CHCHD3: variants seen among roughly 807,000 people sequenced by gnomAD.
CHCHD3 encodes the protein MICOS complex subunit MIC19.
A neutral mutation model predicts 38.2 loss-of-function variants in CHCHD3; 20 were observed. The observed-to-expected ratio is 0.52, with a 90% CI of 0.37 to 0.76. The LOEUF is 0.76. Ranked by LOEUF, CHCHD3 falls within the 30% of genes least tolerant of loss-of-function variation. CHCHD3 has a pLI of 0.00. For missense variants in CHCHD3, 245 were observed against 279.2 expected, an observed-to-expected ratio of 0.88 and a Z score of 0.87; for synonymous variants, 82 against 100.0, an observed-to-expected ratio of 0.82 and a Z score of 1.07.
chr7:132,918,508 A>G lies in CHCHD3; in HGVS notation c.370-32763T>C, dbSNP rs542533503. On this transcript the variant is annotated intron_variant, in intron 4 of 7. Coordinates refer to ENST00000262570, the MANE Select transcript of CHCHD3 (RefSeq NM_017812.4). ...TACTTCACAATAAAGTTGCAATAAC[A>G]TATCTAAGTAACAAATTATTTCCCA... 3.3e-4 allele frequency among the ~76,000 whole-genome samples: 50 copies of G among 152,376 alleles called. No homozygotes were observed. In the East Asian group the frequency reaches 8.9e-3, roughly 27 times the overall value.
At chr7:132,987,450 G>T (rs1387990128) in intron 3 of CHCHD3, among the ~76,000 whole-genome samples, 1 of 152,356 alleles carries the variant, frequency 6.6e-6, no homozygotes, top group East Asian at 1.9e-4. Context: ...AAAGGTGGGA[G>T]ATGAAGGGCT....
At chr7:133,058,183 A>C (rs1814396374) in intron 2 of CHCHD3, among the ~76,000 whole-genome samples, 1 of 152,066 alleles carries the variant, frequency 6.6e-6, no homozygotes, top group Non-Finnish European at 1.5e-5. Context: ...CTTATTTTTT[A>C]CTGTAAGTAT....
chr7:133,033,432 TA>T (rs1173034899), intron 2 of CHCHD3, among the ~76,000 whole-genome samples: 2 of 152,122 alleles, frequency 1.3e-5, no homozygotes, highest in African/African-American at 4.8e-5. Flanking sequence ...CTCAAATTCC[TA>T]AAGTGCCTGA....
At chr7:132,926,149 C>T (rs942801738) in intron 4 of CHCHD3, among the ~76,000 whole-genome samples, 2 of 152,166 alleles carry the variant, frequency 1.3e-5, no homozygotes, top group Admixed American at 6.5e-5. Flanking sequence ...AACACAGAGG[C>T]AAGTAGACTA....
chr7:133,048,822 G>A (rs1412349309), intron 2 of CHCHD3, among the ~76,000 whole-genome samples: 4 of 152,144 alleles, frequency 2.6e-5, no homozygotes, highest in African/African-American at 4.8e-5. Flanking sequence ...CAAGCACTTC[G>A]GGGTGTGTGA....
At chr7:132,814,572 G>C (rs1439310602) in intron 6 of CHCHD3, among the ~76,000 whole-genome samples, 1 of 152,234 alleles carries the variant, frequency 6.6e-6, no homozygotes, top group Non-Finnish European at 1.5e-5. Flanking sequence ...ATGGCTGAAT[G>C]CAAAGAAAAC....
At chr7:133,042,845 G>GT (rs1048048007) in intron 2 of CHCHD3, among the ~76,000 whole-genome samples, 10 of 151,474 alleles carry the variant, frequency 6.6e-5, no homozygotes, top group South Asian at 4.2e-4. Flanking sequence ...TCATGACAAA[G>GT]TTTTTTTTTG....
At chr7:132,983,658 G>A (rs1237859200) in intron 3 of CHCHD3, among the ~76,000 whole-genome samples, 1 of 152,026 alleles carries the variant, frequency 6.6e-6, no homozygotes, top group Non-Finnish European at 1.5e-5. Context: ...CCATAACTTT[G>A]CATCACATCA....
chr7:133,011,892 CTTAT>C (rs906992560), intron 3 of CHCHD3, among the ~76,000 whole-genome samples: 3 of 152,088 alleles, frequency 2.0e-5, no homozygotes, highest in Non-Finnish European at 2.9e-5. Flanking sequence ...CTGACATTTA[CTTAT>C]TTATTTATTT....
chr7:133,074,677 T>C (rs1814924805), intron 1 of CHCHD3, among the ~76,000 whole-genome samples: 1 of 152,086 alleles, frequency 6.6e-6, no homozygotes, highest in Non-Finnish European at 1.5e-5. Context: ...CACTTCCTCT[T>C]AAAGAGGAAA....
chr7:132,975,377 C>A (rs1811736452), intron 3 of CHCHD3, 91 bp from the exon 4 acceptor site: 2 of 1,131,286 alleles, frequency 1.8e-6, no homozygotes, highest in Admixed American at 4.2e-5. Flanking sequence ...AATAGAAACA[C>A]ATAGCCAAAA....
intron 1 of CHCHD3, among the ~76,000 whole-genome samples, chr7:133,077,376 CT>C (rs1455392507): frequency 6.6e-6 from 1 of 152,206 alleles, no homozygotes; most frequent in African/African-American, 2.4e-5. Flanking sequence ...TAAGTAATCT[CT>C]TCATTTACGG....
chr7:132,809,171 G>C (rs1325493737), intron 6 of CHCHD3, among the ~76,000 whole-genome samples: 1 of 150,208 alleles, frequency 6.7e-6, no homozygotes, highest in Non-Finnish European at 1.5e-5. Flanking sequence ...ATGTTGCCCA[G>C]GCTGGTCTCA....
At chr7:133,076,544 C>G (rs1029199508) in intron 1 of CHCHD3, among the ~76,000 whole-genome samples, 1 of 152,166 alleles carries the variant, frequency 6.6e-6, no homozygotes, top group Non-Finnish European at 1.5e-5. Context: ...CAGAGCTTGC[C>G]AAGTTTAAAT....
intron 3 of CHCHD3, among the ~76,000 whole-genome samples, chr7:132,976,950 A>G (rs951891592): frequency 1.3e-5 from 2 of 152,220 alleles, no homozygotes; most frequent in African/African-American, 4.8e-5. Flanking sequence ...AAAAAAGAGG[A>G]CTAGAAACAA....
intron 2 of CHCHD3, among the ~76,000 whole-genome samples, chr7:133,031,135 T>G (rs1207035072): frequency 6.6e-6 from 1 of 152,128 alleles, no homozygotes; most frequent in Non-Finnish European, 1.5e-5. Context: ...TGATCCTGAG[T>G]ATTCTTAGGA....
chr7:132,984,257 G>A (rs1230218209), intron 3 of CHCHD3, among the ~76,000 whole-genome samples: 1 of 151,430 alleles, frequency 6.6e-6, no homozygotes, highest in Non-Finnish European at 1.5e-5. Flanking sequence ...TGGAGACGGG[G>A]TTTCGCTGTG....
intron 5 of CHCHD3, among the ~76,000 whole-genome samples, chr7:132,884,454 A>G (rs1448874413): frequency 6.6e-6 from 1 of 152,166 alleles, no homozygotes; most frequent in Admixed American, 6.5e-5. Flanking sequence ...CTGCTGGCAC[A>G]AGACCAGGGT....
Position 132,985,732 on chromosome 7 carries a change from G to C in CHCHD3, c.252-10446C>G, listed in dbSNP as rs1351428567. 2.2e-5 allele frequency among the ~76,000 whole-genome samples: 2 copies of C among 92,966 alleles called. 1 individual carries two copies. Among genetic ancestry groups the C allele is most frequent in the Non-Finnish European group, 4.6e-5 (2 of 43,428 alleles). 61.0% of individuals were successfully genotyped at this position (92,966 alleles called of 152,430 possible). ...AGCCGCCCCATCCGGGAGGGAGGAG[G>C]GGAGGTCAGCCCCCCACCCGGCCAG... On this transcript the variant is annotated intron_variant, in intron 3 of 7. Coordinates refer to ENST00000262570, the MANE Select transcript of CHCHD3 (RefSeq NM_017812.4).
Sources: gnomAD v4.1 joint callset for allele counts (sites outside exome capture counted in the v4.1 genomes callset) on GRCh38, gnomAD v4.1.1 for gene constraint, MANE v1.5 for transcripts, NCBI Gene and HGNC (gene_info 2026-07-23, HGNC 2026-07-21) for gene names.